Variants in OAS1 observed in about 807,000 individuals in gnomAD.
OAS1 encodes the protein 2'-5'-oligoadenylate synthetase 1.
OAS1 carries 24 observed loss-of-function variants against 38.5 expected under a neutral mutation model. The ratio of observed to expected loss-of-function variants is 0.62; its 90% CI spans 0.45 to 0.88. The LOEUF (loss-of-function observed/expected upper bound fraction) is 0.88, where lower values mean the gene tolerates loss of function less well. Ranked by LOEUF, OAS1 falls within the 40% of genes least tolerant of loss-of-function variation. OAS1 has a pLI of 0.00. For missense variants in OAS1, 482 were observed against 493.9 expected (o/e 0.98, Z 0.23); for synonymous variants, 169 against 193.9 (o/e 0.87, Z 1.07).
In OAS1 at chr12:112,906,996, A is replaced by G. The variant is rs1399823499; in HGVS notation, c.-44A>G. 1 of 1,606,946 alleles carries G rather than the reference A, an allele frequency of 6.2e-7. No individual in the cohort carries two copies. The highest frequency in any genetic ancestry group is 1.7e-5 in the Admixed American group (1 of 59,936). ...TCAGTCAGCAGAAGAGATAAAAGCA[A>G]ACAGGTCTGGGAGGCAGTTCTGTTG... On this transcript the variant is annotated 5_prime_UTR_variant, in exon 1 of 6. Coordinates refer to ENST00000202917, the MANE Select transcript of OAS1 (RefSeq NM_016816.4).
chr12:112,927,882 G>T (rs7315441), intron 6 of OAS1, among the ~76,000 whole-genome samples: 113,166 of 152,118 alleles, frequency 0.74, 43,389 homozygotes, highest in African/African-American at 0.94. Flanking sequence ...CATACTTGTA[G>T]CTTGTCCATA....
chr12:112,910,406 AAAAAG>A (rs1271309626), intron 2 of OAS1, among the ~76,000 whole-genome samples: 2 of 152,104 alleles, frequency 1.3e-5, no homozygotes, highest in African/African-American at 2.4e-5. Context: ...GGAGTGATTA[AAAAAG>A]AAAAGAAAAG....
chr12:112,919,877 A>C lies in OAS1; in HGVS notation c.*324A>C, dbSNP rs2043518173. The C allele has an allele frequency of 1.3e-6, 1 of 782,094 alleles. No homozygotes were observed. Among genetic ancestry groups the C allele is most frequent in the Non-Finnish European group, 1.9e-6 (1 of 514,182 alleles). The allele number at this position is 782,094 out of a possible 1,614,324, so 48.4% of individuals were successfully genotyped here. On this transcript the variant is annotated 3_prime_UTR_variant, in exon 6 of 6. Coordinates refer to ENST00000202917, the MANE Select transcript of OAS1 (RefSeq NM_016816.4). The stretch of plus-strand genomic sequence containing the variant: ...GAGGGTAATGTCTAATGTATTATCA[A>C]TAACAATAAAAATAAAGCAAATACC...
chr12:112,916,758 C>T lies in OAS1; in HGVS notation c.884+20C>T. On this transcript the variant is annotated intron_variant, in intron 4 of 5. Coordinates refer to ENST00000202917, the MANE Select transcript of OAS1 (RefSeq NM_016816.4). The stretch of plus-strand genomic sequence containing the variant: ...ACCCAGGTATGCTATCCCCACATGG[C>T]TTAGCTCCCCTATGTAAATGAACAC... The T allele has an allele frequency of 1.3e-6, 2 of 1,555,328 alleles. No individual in the cohort carries two copies. The highest frequency in any genetic ancestry group is 1.8e-6 in the Non-Finnish European group (2 of 1,126,778).
Position 112,911,075 on chromosome 12 carries a change from C to A in OAS1, c.494C>A (p.Pro165His), listed in dbSNP as rs1013701473. ...GGTCAGTTGACTGGCGGCTATAAAC[C>A]TAACCCCCAAATCTATGTCAAGCTC... ...ALGQLTGGYK[P>H]NPQIYVKLIE... Residue 165 changes from proline to histidine, a missense_variant, in exon 3 of 6, where the codon CCT (proline) becomes CAT (histidine). Coordinates refer to ENST00000202917, the MANE Select transcript of OAS1 (RefSeq NM_016816.4). 5.0e-6 allele frequency: 8 copies of A among 1,613,808 alleles called. No individual in the cohort carries two copies. The African/African-American group carries it at 1.1e-4, about 22-fold the overall frequency.
At chr12:112,910,238 T>G (rs960897618) in intron 2 of OAS1, among the ~76,000 whole-genome samples, 1 of 151,858 alleles carries the variant, frequency 6.6e-6, no homozygotes, top group East Asian at 1.9e-4. Flanking sequence ...CGTGGTGGTG[T>G]GTGCCTGTAA....
chr12:112,915,418 C>T (rs1198127011), intron 3 of OAS1, among the ~76,000 whole-genome samples: 1 of 152,152 alleles, frequency 6.6e-6, no homozygotes, highest in Non-Finnish European at 1.5e-5. Context: ...TGTCAAAGAT[C>T]AGTTGGCTGT....
chr12:112,926,896 G>A (rs376069176), intron 6 of OAS1, among the ~76,000 whole-genome samples: 5 of 152,102 alleles, frequency 3.3e-5, no homozygotes, highest in Non-Finnish European at 5.9e-5. Flanking sequence ...GAGGCCCCCC[G>A]GGAATGCATT....
intron 3 of OAS1, among the ~76,000 whole-genome samples, chr12:112,916,191 T>C (rs912036686): frequency 6.6e-6 from 1 of 152,210 alleles, no homozygotes; most frequent in Non-Finnish European, 1.5e-5. Flanking sequence ...AATTGGACAA[T>C]GGTGAAGCCA....
intron 6 of OAS1, among the ~76,000 whole-genome samples, chr12:112,928,244 G>A (rs916972): frequency 1.3e-5 from 2 of 152,094 alleles, no homozygotes; most frequent in Non-Finnish European, 2.9e-5. Context: ...AAGGGCAGAC[G>A]TCTCTCCCAG....
intron 1 of OAS1, 66 bp from the exon 2 acceptor site, chr12:112,908,470 C>T: frequency 6.7e-7 from 1 of 1,490,534 alleles, no homozygotes; most frequent in Non-Finnish European, 9.1e-7. Flanking sequence ...GTGATTGCTC[C>T]TGTCATTTTA....
intron 6 of OAS1, among the ~76,000 whole-genome samples, chr12:112,927,847 C>G (rs114468994): frequency 1.2e-3 from 189 of 152,244 alleles, no homozygotes; most frequent in African/African-American, 4.3e-3. Context: ...TGTTTGGGAG[C>G]AAGGATGCTG....
chr12:112,929,209 A>G (rs2043581909), intron 6 of OAS1, among the ~76,000 whole-genome samples: 2 of 152,206 alleles, frequency 1.3e-5, no homozygotes, highest in Non-Finnish European at 2.9e-5. Flanking sequence ...ACTACAGGCC[A>G]CTTCAGCTTT....
At chr12:112,925,890 G>A (rs2043555584) in intron 6 of OAS1, among the ~76,000 whole-genome samples, 1 of 152,188 alleles carries the variant, frequency 6.6e-6, no homozygotes, top group Admixed American at 6.5e-5. Flanking sequence ...ATTTATGGCA[G>A]TACCTCACAT....
downstream of OAS1, among the ~76,000 whole-genome samples, chr12:112,921,921 T>C (rs1460460019): frequency 1.3e-5 from 2 of 152,212 alleles, no homozygotes; most frequent in Non-Finnish European, 2.9e-5. Flanking sequence ...TTACCAAGCA[T>C]GTCCTTTTTG....
At chr12:112,926,316 A>G (rs1270777318) in intron 6 of OAS1, among the ~76,000 whole-genome samples, 2 of 152,158 alleles carry the variant, frequency 1.3e-5, no homozygotes, top group East Asian at 3.8e-4. Flanking sequence ...AAAAAAATGC[A>G]TGTATTTGAG....
In OAS1 at chr12:112,907,239, G is replaced by T; in HGVS notation, c.180+20G>T. The T allele has an allele frequency of 6.2e-7, 1 of 1,611,136 alleles. No homozygotes were observed. The highest frequency in any genetic ancestry group is 8.5e-7 in the Non-Finnish European group (1 of 1,177,546). On this transcript the variant is annotated intron_variant, in intron 1 of 5. Coordinates refer to ENST00000202917, the MANE Select transcript of OAS1 (RefSeq NM_016816.4). Reference sequence around the variant, plus strand: ...GTAAAGGTGAGTCCAGGCCTGCCTGGCCAGGGGAGGGGTGGCTGAATGTGC... The same window carrying T: ...GTAAAGGTGAGTCCAGGCCTGCCTGTCCAGGGGAGGGGTGGCTGAATGTGC...
chr12:112,931,038 A>G (rs934654561), intron 6 of OAS1, among the ~76,000 whole-genome samples: 5 of 152,196 alleles, frequency 3.3e-5, no homozygotes, highest in African/African-American at 1.2e-4. Flanking sequence ...TCTTGGCCAC[A>G]GTCTCTGGGT....
chr12:112,925,647 G>A (rs1282858678), intron 6 of OAS1, among the ~76,000 whole-genome samples: 1 of 152,128 alleles, frequency 6.6e-6, no homozygotes, highest in Non-Finnish European at 1.5e-5. Flanking sequence ...TTAGCCAGGT[G>A]TGGTGGCTCA....
Sources: allele counts gnomAD v4.1 joint callset (sites outside exome capture counted in the v4.1 genomes callset), GRCh38; gene constraint gnomAD v4.1.1; transcripts MANE v1.5; gene names NCBI Gene and HGNC (gene_info 2026-07-23, HGNC 2026-07-21).